Variants in OSBPL10 observed in about 807,000 individuals in gnomAD.
OSBPL10 encodes the protein oxysterol-binding protein-related protein 10.
OSBPL10 carries 49 observed loss-of-function variants against 81.7 expected under a neutral mutation model. That is an observed-to-expected ratio of 0.60 (90% CI 0.48 to 0.76). OSBPL10 has a LOEUF of 0.76. Ranked by LOEUF, OSBPL10 falls within the 30% of genes least tolerant of loss-of-function variation. The probability of loss-of-function intolerance (pLI) is 0.00; values close to 1 mark genes in which losing one functional copy is unlikely to be tolerated. For synonymous variants in OSBPL10, 419 were observed against 383.6 expected (o/e 1.09, Z -1.08); for missense variants, 923 against 987.8 (o/e 0.93, Z 0.88).
chr3:31,985,893 C>T (rs542256325), upstream of OSBPL10, among the ~76,000 whole-genome samples: 322 of 152,322 alleles, frequency 2.1e-3, 1 homozygote, highest in African/African-American at 7.1e-3. Context: ...TTCTTACTCC[C>T]ATTTTACAGG....
intron 4 of OSBPL10, among the ~76,000 whole-genome samples, chr3:31,787,800 G>C (rs903325841): frequency 1.3e-5 from 2 of 152,032 alleles, no homozygotes; most frequent in East Asian, 3.9e-4. Flanking sequence ...TCTAGGTGCA[G>C]TTCAGAATAA....
rs117378750 is a variant in OSBPL10, at chr3:31,716,783, T to C, written c.1096-14275A>G. ...TTAGACAAGGTTCCAGAAATTTCATTTGATGACCCCAAAACAGATTCAGAA... is the reference window on the plus strand; with the variant it reads ...TTAGACAAGGTTCCAGAAATTTCATCTGATGACCCCAAAACAGATTCAGAA... On this transcript the variant is annotated intron_variant, in intron 6 of 11. Coordinates refer to ENST00000396556, the MANE Select transcript of OSBPL10 (RefSeq NM_017784.5). 2.7e-3 allele frequency among the ~76,000 whole-genome samples: 416 copies of C among 152,332 alleles called. 11 individuals are homozygous for C. In the East Asian group the frequency reaches 0.065, roughly 24 times the overall value.
In OSBPL10 at chr3:31,668,575, T is replaced by G. The variant is rs529841312; in HGVS notation, c.2096+67A>C. On this transcript the variant is annotated intron_variant, in intron 10 of 11. Transcript: ENST00000396556. ...CGCTAAGTTTCAAAGTCTTCTTTCT[T>G]CTCTGTCCCTTGAGTCAGGTGCCCA... 7.8e-6 allele frequency: 11 copies of G among 1,414,688 alleles called. No individual in the cohort carries two copies. The East Asian group carries it at 2.6e-4, about 33-fold the overall frequency. 87.6% of individuals were successfully genotyped at this position (1,414,688 alleles called of 1,614,324 possible).
intron 3 of OSBPL10, among the ~76,000 whole-genome samples, chr3:31,872,454 T>TG (rs201328709): frequency 4.9e-4 from 48 of 98,514 alleles, no homozygotes; most frequent in South Asian, 1.5e-3. Flanking sequence ...TTGTTGTTGT[T>TG]TTTTTTTTTT....
At chr3:31,947,516 T>C (rs1697737976) in intron 1 of OSBPL10, among the ~76,000 whole-genome samples, 1 of 152,166 alleles carries the variant, frequency 6.6e-6, no homozygotes, top group South Asian at 2.1e-4. Context: ...AGAAGTCCCC[T>C]ACCAGCTCCT....
intron 6 of OSBPL10, chr3:31,714,791 C>T: frequency 6.5e-6 from 1 of 152,978 alleles, no homozygotes; most frequent in Non-Finnish European, 1.5e-5. Flanking sequence ...GCTACCACAC[C>T]CTAGGTTTTG....
At chr3:31,780,851 A>C (rs565400513) in intron 4 of OSBPL10, among the ~76,000 whole-genome samples, 75 of 148,514 alleles carry the variant, frequency 5.1e-4, no homozygotes, top group Non-Finnish European at 9.1e-4. Context: ...AAAACAGTCT[A>C]GGACTAGGTG....
intron 4 of OSBPL10, among the ~76,000 whole-genome samples, chr3:31,762,630 A>ATTTTTTTTTTTGTTTTTTTTTT (rs1698081378): frequency 1.6e-5 from 1 of 61,514 alleles, no homozygotes; most frequent in African/African-American, 8.0e-5. Flanking sequence ...CATGCCCAGC[A>ATTTTTTTTTTTGTTTTTTTTTT]TTTTTTTTTT....
chr3:31,718,457 A>G (rs1696524813), intron 6 of OSBPL10, among the ~76,000 whole-genome samples: 1 of 151,696 alleles, frequency 6.6e-6, no homozygotes, highest in Non-Finnish European at 1.5e-5. Flanking sequence ...GCATAAAATA[A>G]CACCATGATG....
At position 31,748,133 on chromosome 3, in the gene OSBPL10, A is replaced by C. The variant is rs72859624; in HGVS notation, c.730-13T>G. On this transcript the variant is annotated splice_polypyrimidine_tract_variant and intron_variant, in intron 4 of 11. Coordinates refer to ENST00000396556, the MANE Select transcript of OSBPL10 (RefSeq NM_017784.5). ...CCTGGTTCATCATCTACAAAACAAG[A>C]AGACAGTAAGGAGGTGAGGGGCGGA... 6.0e-3 allele frequency: 9,658 copies of C among 1,603,534 alleles called. 465 individuals carry two copies. The African/African-American group carries it at 0.11, about 18-fold the overall frequency.
chr3:31,898,418 AT>A (rs1022539780), intron 1 of OSBPL10, among the ~76,000 whole-genome samples: 1 of 152,080 alleles, frequency 6.6e-6, no homozygotes, highest in African/African-American at 2.4e-5. Context: ...CATTGAAAAT[AT>A]TTTTTAAAAA....
intron 2 of OSBPL10, among the ~76,000 whole-genome samples, chr3:32,019,235 G>T (rs914500040): frequency 1.3e-5 from 2 of 152,042 alleles, no homozygotes; most frequent in South Asian, 2.1e-4. Flanking sequence ...AACAAAGTCC[G>T]AAGTTGTTCT....
At chr3:31,688,984 C>T (rs1700870929) in intron 7 of OSBPL10, among the ~76,000 whole-genome samples, 1 of 152,092 alleles carries the variant, frequency 6.6e-6, no homozygotes, top group South Asian at 2.1e-4. Flanking sequence ...TCCAAAGGAG[C>T]CAGAAGGAAT....
intron 6 of OSBPL10, among the ~76,000 whole-genome samples, chr3:31,732,324 A>G (rs1696999576): frequency 6.6e-6 from 1 of 152,224 alleles, no homozygotes; most frequent in East Asian, 1.9e-4. Flanking sequence ...GTCCGAGAAT[A>G]TAATCCTATG....
At chr3:31,815,612 C>A (rs1027638868) in intron 4 of OSBPL10, among the ~76,000 whole-genome samples, 1 of 152,204 alleles carries the variant, frequency 6.6e-6, no homozygotes, top group East Asian at 1.9e-4. Flanking sequence ...TGGGAATGAC[C>A]AAAGTGCCCT....
intron 1 of OSBPL10, among the ~76,000 whole-genome samples, chr3:31,928,078 G>A (rs1575039462): frequency 6.6e-6 from 1 of 152,154 alleles, no homozygotes; most frequent in Admixed American, 6.5e-5. Context: ...AAACTCCCGA[G>A]GGTGAAGTTC....
At chr3:31,703,882 T>C (rs1249971664) in intron 6 of OSBPL10, 2 of 152,210 alleles carry the variant, frequency 1.3e-5, no homozygotes, top group Non-Finnish European at 2.9e-5. Flanking sequence ...TAATGGGTAT[T>C]ATCTGACGTC....
intron 4 of OSBPL10, among the ~76,000 whole-genome samples, chr3:31,817,291 C>T (rs1001965636): frequency 2.0e-5 from 3 of 152,182 alleles, no homozygotes; most frequent in Non-Finnish European, 4.4e-5. Flanking sequence ...CCATTCAGGG[C>T]CCCAAGGCTT....
chr3:31,829,034 A>G (rs1700166796), intron 4 of OSBPL10, among the ~76,000 whole-genome samples: 1 of 152,224 alleles, frequency 6.6e-6, no homozygotes, highest in Non-Finnish European at 1.5e-5. Context: ...TTCCTGGGCC[A>G]GATTCAGAAC....
Sources: gnomAD v4.1 joint callset for allele counts (sites outside exome capture counted in the v4.1 genomes callset) on GRCh38, gnomAD v4.1.1 for gene constraint, MANE v1.5 for transcripts, NCBI Gene and HGNC (gene_info 2026-07-23, HGNC 2026-07-21) for gene names.